TECPR2: variants seen among roughly 807,000 people sequenced by gnomAD.
TECPR2 encodes tectonin beta-propeller repeat containing 2, also known as tectonin beta-propeller repeat-containing protein 2.
Under a neutral mutation model 138.1 loss-of-function variants are expected in TECPR2, and 65 were observed. The observed-to-expected ratio is 0.47, with a 90% CI of 0.39 to 0.58. The LOEUF (loss-of-function observed/expected upper bound fraction) is 0.58, where lower values mean the gene tolerates loss of function less well. Among genes scored for constraint, TECPR2 ranks in the 20% least tolerant of loss-of-function variants. TECPR2 has a pLI of 0.00. For synonymous variants in TECPR2, 746 were observed against 749.8 expected (o/e 0.99, Z 0.08); for missense variants, 1,553 against 1,824.5 (o/e 0.85, Z 2.71).
chr14:102,470,377 G>A (rs552284174), intron 17 of TECPR2, among the ~76,000 whole-genome samples: 5 of 150,632 alleles, frequency 3.3e-5, no homozygotes, highest in South Asian at 2.1e-4. Context: ...GCGCGATCTC[G>A]GCCCACTGCA....
chr14:102,408,931 C>G (rs1567328219), intron 4 of TECPR2, among the ~76,000 whole-genome samples: 2 of 152,182 alleles, frequency 1.3e-5, no homozygotes, highest in African/African-American at 4.8e-5. Context: ...ACTTCTGAAT[C>G]CTAACTGTGG....
chr14:102,493,790 G>A (rs900441806), intron 17 of TECPR2, among the ~76,000 whole-genome samples: 1 of 152,202 alleles, frequency 6.6e-6, no homozygotes, highest in Non-Finnish European at 1.5e-5. Flanking sequence ...CACAGGCGCG[G>A]CTCCCTCGGA....
intron 17 of TECPR2, among the ~76,000 whole-genome samples, chr14:102,489,680 G>A (rs574779382): frequency 9.2e-4 from 136 of 148,452 alleles, no homozygotes; most frequent in African/African-American, 3.2e-3. Flanking sequence ...ACTCCAGCCC[G>A]GGCGACAAGA....
At chr14:102,444,195 CTTTT>C (rs111476747) in intron 12 of TECPR2, among the ~76,000 whole-genome samples, 4 of 138,744 alleles carry the variant, frequency 2.9e-5, no homozygotes, top group Non-Finnish European at 3.1e-5. Context: ...TGAACTGTAG[CTTTT>C]TTTTTTTTTT....
At chr14:102,476,310 T>G (rs1207523510) in intron 17 of TECPR2, among the ~76,000 whole-genome samples, 1 of 148,190 alleles carries the variant, frequency 6.7e-6, no homozygotes, top group Non-Finnish European at 1.5e-5. Context: ...GCTGGGAGAA[T>G]TGCTTAAGCT....
chr14:102,497,822 A>G (rs529378386), intron 19 of TECPR2, 103 bp downstream of exon 19: 3 of 1,393,192 alleles, frequency 2.2e-6, no homozygotes, highest in Admixed American at 2.6e-5. Context: ...CTGGGCTCCA[A>G]TCTCTCAAAG....
chr14:102,408,537 T>TAG lies in TECPR2; in HGVS notation c.398_399insAG (p.Ala134GlyfsTer8). 6.2e-7 allele frequency: 1 copy of TAG among 1,613,440 alleles called. No homozygotes were observed. The highest frequency in any genetic ancestry group is 8.5e-7 in the Non-Finnish European group (1 of 1,179,830). ...ATTCACAAAAATAGCATTACAGCTC[T>TAG]GGCTTGGAGCCCCAATGGAATGAAA... On this transcript the variant is annotated frameshift_variant, in exon 4 of 20. Transcript: ENST00000359520. LOFTEE classifies it high-confidence loss of function.
In TECPR2 at chr14:102,418,103, C is replaced by T. The variant is rs568673380; in HGVS notation, c.638+3310C>T. On this transcript the variant is annotated intron_variant, in intron 5 of 19. Coordinates refer to ENST00000359520, the MANE Select transcript of TECPR2 (RefSeq NM_014844.5). ...GCCTGTCAGGTGGCTGCGTGGGAGT[C>T]GCAGAAGAGAGTTCTGTGGACCGGT... 4.6e-5 allele frequency among the ~76,000 whole-genome samples: 7 copies of T among 152,154 alleles called. No individual in the cohort carries two copies. In the East Asian group the frequency reaches 1.4e-3, roughly 29 times the overall value.
At chr14:102,479,392 C>T (rs80191831) in intron 17 of TECPR2, among the ~76,000 whole-genome samples, 4,149 of 152,162 alleles carry the variant, frequency 0.027, 74 homozygotes, top group Middle Eastern at 0.088. Context: ...GTGAAGGATG[C>T]ACAAAGGATG....
At chr14:102,461,416 G>T (rs1890407538) in intron 16 of TECPR2, among the ~76,000 whole-genome samples, 1 of 152,178 alleles carries the variant, frequency 6.6e-6, no homozygotes, top group Non-Finnish European at 1.5e-5. Flanking sequence ...TAAATAAAAT[G>T]TCAAATAAAT....
intron 1 of TECPR2, among the ~76,000 whole-genome samples, chr14:102,372,609 A>G (rs1177598470): frequency 6.6e-6 from 1 of 152,002 alleles, no homozygotes; most frequent in Non-Finnish European, 1.5e-5. Context: ...GAGGCCGGGC[A>G]TGGTGGTTCA....
chr14:102,430,607 T>C (rs751417691), intron 7 of TECPR2, among the ~76,000 whole-genome samples: 2 of 152,224 alleles, frequency 1.3e-5, no homozygotes, highest in South Asian at 2.1e-4. Context: ...TGGGCTGTGG[T>C]CTTGTGTTGA....
chr14:102,409,374 G>A (rs1003020498), intron 4 of TECPR2, among the ~76,000 whole-genome samples: 1 of 150,726 alleles, frequency 6.6e-6, no homozygotes, highest in Non-Finnish European at 1.5e-5. Context: ...ATCTCGGCTT[G>A]TGACAACCTC....
rs546610547 is a variant in TECPR2 at position 102,451,217 on chromosome 14, G to A, written c.3406+568G>A. ...GGGAGCTGGCATCTGCGGCCGGGAG[G>A]GGCACTTCCCCCACCCGCTTAGCTG... On this transcript the variant is annotated intron_variant, in intron 15 of 19. Transcript: ENST00000359520. 3.1e-4 allele frequency among the ~76,000 whole-genome samples: 47 copies of A among 152,276 alleles called. No individual in the cohort carries two copies. The South Asian group carries it at 9.3e-3, about 30-fold the overall frequency.
rs146721202 is a variant in TECPR2 at position 102,431,105 on chromosome 14, C to T, written c.1085-691C>T. Among the ~76,000 whole-genome samples, 470 of 144,260 alleles carry T rather than the reference C, an allele frequency of 3.3e-3. 2 individuals carry two copies. Among genetic ancestry groups the T allele is most frequent in the African/African-American group, 0.012 (450 of 38,932 alleles). The allele number at this position is 144,260 out of a possible 152,430, so 94.6% of individuals were successfully genotyped here. ...GTGGCATGATCTCAGCTCACTGCAACCTCCACCTCCCAGGCTCAAATGATT... is the reference window on the plus strand; with the variant it reads ...GTGGCATGATCTCAGCTCACTGCAATCTCCACCTCCCAGGCTCAAATGATT... On this transcript the variant is annotated intron_variant, in intron 7 of 19. Coordinates refer to ENST00000359520, the MANE Select transcript of TECPR2 (RefSeq NM_014844.5).
intron 1 of TECPR2, among the ~76,000 whole-genome samples, chr14:102,370,620 C>A (rs1433074333): frequency 2.6e-5 from 4 of 152,208 alleles, no homozygotes; most frequent in Non-Finnish European, 5.9e-5. Flanking sequence ...CACCAAGGTT[C>A]TTGTAAGCCA....
chr14:102,383,990 G>A (rs948168037), intron 2 of TECPR2, among the ~76,000 whole-genome samples: 27 of 149,426 alleles, frequency 1.8e-4, no homozygotes, highest in African/African-American at 6.4e-4. Flanking sequence ...GCGCAACCTC[G>A]GCTCACTGCA....
intron 2 of TECPR2, among the ~76,000 whole-genome samples, chr14:102,380,830 C>T (rs1455502624): frequency 6.6e-6 from 1 of 152,156 alleles, no homozygotes; most frequent in African/African-American, 2.4e-5. Flanking sequence ...AGGTGCCCGC[C>T]ACCACACCGG....
chr14:102,381,882 G>A (rs1887831534), intron 2 of TECPR2, among the ~76,000 whole-genome samples: 1 of 152,202 alleles, frequency 6.6e-6, no homozygotes, highest in South Asian at 2.1e-4. Context: ...AGTTTTAACA[G>A]ATGTAGATGT....
Sources: allele counts gnomAD v4.1 joint callset (sites outside exome capture counted in the v4.1 genomes callset), GRCh38; gene constraint gnomAD v4.1.1; transcripts MANE v1.5; gene names NCBI Gene and HGNC (gene_info 2026-07-23, HGNC 2026-07-21).